PTPRD: variants seen among roughly 807,000 people sequenced by gnomAD.
The protein encoded by PTPRD is receptor-type tyrosine-protein phosphatase delta.
Under a neutral mutation model 214.5 loss-of-function variants are expected in PTPRD, and 34 were observed. That is an observed-to-expected ratio of 0.16 (90% CI 0.12 to 0.21). The LOEUF is 0.21. Among genes scored for constraint, PTPRD ranks in the 10% least tolerant of loss-of-function variants. The probability of loss-of-function intolerance (pLI) is 1.00; values close to 1 mark genes in which losing one functional copy is unlikely to be tolerated. For missense variants in PTPRD, 2,545 were observed against 2,398.7 expected (o/e 1.06, Z -1.27); for synonymous variants, 1,128 against 845.7 (o/e 1.33, Z -5.79).
At position 9,408,823 on chromosome 9, in the gene PTPRD, T is replaced by G. The variant is rs570435923; in HGVS notation, c.-236-11341A>C. Among the ~76,000 whole-genome samples the G allele has an allele frequency of 2.9e-4, 44 of 151,984 alleles. No homozygotes were observed. The South Asian group carries it at 8.9e-3, about 31-fold the overall frequency. On this transcript the variant is annotated intron_variant, in intron 8 of 45. Coordinates refer to ENST00000381196, the MANE Select transcript of PTPRD (RefSeq NM_002839.4). ...CTCATACTGTCTGGCACAAAGTGCG[T>G]TCTCAGTAATCATATTTTCTTTTTC...
intron 11 of PTPRD, among the ~76,000 whole-genome samples, chr9:8,961,453 A>C (rs753305281): frequency 6.6e-6 from 1 of 152,072 alleles, no homozygotes; most frequent in Non-Finnish European, 1.5e-5. Flanking sequence ...CTGGTTCTGC[A>C]CTTCTTTCCA....
At chr9:9,967,570 A>G (rs2094792879) in intron 4 of PTPRD, among the ~76,000 whole-genome samples, 1 of 152,198 alleles carries the variant, frequency 6.6e-6, no homozygotes, top group South Asian at 2.1e-4. Context: ...TAAAAGATGA[A>G]TATTATCTCA....
intron 11 of PTPRD, among the ~76,000 whole-genome samples, chr9:8,918,553 G>A (rs1314607793): frequency 6.6e-6 from 1 of 152,138 alleles, no homozygotes; most frequent in Non-Finnish European, 1.5e-5. Context: ...ACGAGAGAGA[G>A]AGTGTGTGTG....
chr9:10,074,262 G>C (rs188667270), intron 3 of PTPRD, among the ~76,000 whole-genome samples: 43 of 152,198 alleles, frequency 2.8e-4, no homozygotes, highest in African/African-American at 9.9e-4. Context: ...ATCTCTGCAG[G>C]CTCCTATAGT....
intron 3 of PTPRD, among the ~76,000 whole-genome samples, chr9:10,290,878 C>T (rs1035698213): frequency 1.2e-4 from 18 of 152,208 alleles, no homozygotes; most frequent in Middle Eastern, 3.4e-3. Context: ...CAAAATCCTA[C>T]AGATACTGTT....
At chr9:9,833,846 G>T (rs541478096) in intron 5 of PTPRD, among the ~76,000 whole-genome samples, 1 of 152,096 alleles carries the variant, frequency 6.6e-6, no homozygotes, top group African/African-American at 2.4e-5. Flanking sequence ...TTAAGGTTAT[G>T]TCTCTTATTC....
chr9:9,743,335 A>C (rs1287759108), intron 6 of PTPRD, among the ~76,000 whole-genome samples: 4 of 152,174 alleles, frequency 2.6e-5, no homozygotes, highest in African/African-American at 9.6e-5. Context: ...ACTGCTTTTT[A>C]GATGTATTCA....
chr9:8,951,529 TAGCTGTTTTACGTTC>T (rs1367867893), intron 11 of PTPRD, among the ~76,000 whole-genome samples: 1 of 152,050 alleles, frequency 6.6e-6, no homozygotes, highest in East Asian at 1.9e-4. Flanking sequence ...TGTTACCTAG[TAGCTGTTTTACGTTC>T]AGCATATCAC....
At chr9:9,507,630 GT>G (rs1486913929) in intron 8 of PTPRD, among the ~76,000 whole-genome samples, 1 of 151,388 alleles carries the variant, frequency 6.6e-6, no homozygotes, top group Non-Finnish European at 1.5e-5. Flanking sequence ...AATCAGTCTT[GT>G]GATTCTATTG....
At chr9:9,236,493 C>T (rs561658097) in intron 9 of PTPRD, among the ~76,000 whole-genome samples, 1 of 151,884 alleles carries the variant, frequency 6.6e-6, no homozygotes, top group Non-Finnish European at 1.5e-5. Flanking sequence ...ACTCTCTCAA[C>T]TTCCTGGGAG....
intron 7 of PTPRD, among the ~76,000 whole-genome samples, chr9:9,658,339 G>T (rs1004761043): frequency 3.9e-5 from 6 of 152,076 alleles, no homozygotes; most frequent in African/African-American, 7.2e-5. Context: ...CCCGAACTGG[G>T]TTGGCTGTTT....
chr9:9,306,067 G>A (rs886810753), intron 9 of PTPRD, among the ~76,000 whole-genome samples: 3 of 152,130 alleles, frequency 2.0e-5, no homozygotes, highest in Non-Finnish European at 4.4e-5. Flanking sequence ...AGTACAATAA[G>A]AGAACATCAG....
chr9:8,541,666 C>G (rs952586082), intron 14 of PTPRD, among the ~76,000 whole-genome samples: 1 of 152,050 alleles, frequency 6.6e-6, no homozygotes, highest in Non-Finnish European at 1.5e-5. Flanking sequence ...TGCGCCCAGC[C>G]TTTGTGTTTG....
intron 9 of PTPRD, among the ~76,000 whole-genome samples, chr9:9,318,642 A>G (rs1205204891): frequency 6.6e-6 from 1 of 152,180 alleles, no homozygotes; most frequent in Non-Finnish European, 1.5e-5. Flanking sequence ...TTATAAACAC[A>G]GACTCAAATT....
chr9:10,575,897 TG>T (rs1357764556), intron 2 of PTPRD, among the ~76,000 whole-genome samples: 9 of 152,168 alleles, frequency 5.9e-5, no homozygotes, highest in Non-Finnish European at 1.2e-4. Context: ...CCTGGGAAGA[TG>T]GAGAATCTCC....
At chr9:8,516,907 G>C (rs986942171) in intron 21 of PTPRD, among the ~76,000 whole-genome samples, 49 of 149,952 alleles carry the variant, frequency 3.3e-4, no homozygotes, top group Middle Eastern at 3.5e-3. Context: ...CATCTCCCAG[G>C]TTCAAGTGAT....
intron 14 of PTPRD, among the ~76,000 whole-genome samples, chr9:8,629,044 A>C (rs1422983769): frequency 1.3e-5 from 2 of 151,752 alleles, no homozygotes; most frequent in Non-Finnish European, 2.9e-5. Flanking sequence ...ATAATCTACT[A>C]AGATTTTTTA....
chr9:10,594,242 C>G (rs1186214156), intron 2 of PTPRD, among the ~76,000 whole-genome samples: 2 of 150,670 alleles, frequency 1.3e-5, no homozygotes, highest in Non-Finnish European at 3.0e-5. Flanking sequence ...TATGCATTTC[C>G]CTTAAATATA....
chr9:9,618,286 A>G (rs956156998), intron 7 of PTPRD, among the ~76,000 whole-genome samples: 1 of 151,944 alleles, frequency 6.6e-6, no homozygotes, highest in Non-Finnish European at 1.5e-5. Context: ...AGACAGTAGT[A>G]TTATCACAAT....
Sources: gnomAD v4.1 joint callset for allele counts (sites outside exome capture counted in the v4.1 genomes callset) on GRCh38, gnomAD v4.1.1 for gene constraint, MANE v1.5 for transcripts, NCBI Gene and HGNC (gene_info 2026-07-23, HGNC 2026-07-21) for gene names.